SNX13: variants seen among roughly 807,000 people sequenced by gnomAD.
The protein encoded by SNX13 is sorting nexin-13.
Under a neutral mutation model 133.6 loss-of-function variants are expected in SNX13, and 45 were observed. The observed-to-expected ratio is 0.34, with a 90% CI of 0.27 to 0.43. SNX13 has a LOEUF of 0.43. Ranked by LOEUF, SNX13 falls within the 20% of genes least tolerant of loss-of-function variation. SNX13 has a pLI of 1.00. For synonymous variants in SNX13, 414 were observed against 373.9 expected, an observed-to-expected ratio of 1.11 and a Z score of -1.24; for missense variants, 1,032 against 1,145.1, an observed-to-expected ratio of 0.90 and a Z score of 1.43.
At chr7:17,822,625 T>C (rs1391633536) in intron 17 of SNX13, among the ~76,000 whole-genome samples, 1 of 152,210 alleles carries the variant, frequency 6.6e-6, no homozygotes, top group African/African-American at 2.4e-5. Context: ...CTGCTGGTTC[T>C]GTTGGCTTTC....
At chr7:17,939,507 C>G (rs1464985168) in intron 1 of SNX13, among the ~76,000 whole-genome samples, 4 of 152,246 alleles carry the variant, frequency 2.6e-5, no homozygotes, top group Non-Finnish European at 5.9e-5. Flanking sequence ...CTAGTAAAGG[C>G]AAACTCTACT....
At chr7:17,830,754 G>T in intron 15 of SNX13, 1 of 978,450 alleles carries the variant, frequency 1.0e-6, no homozygotes, top group African/African-American at 1.8e-5. Flanking sequence ...ACCAATTAAG[G>T]TGTTCCTTTA....
chr7:17,879,751 G>A (rs1349906753), intron 5 of SNX13: 1 of 152,140 alleles, frequency 6.6e-6, no homozygotes, highest in Non-Finnish European at 1.5e-5. Context: ...AGTATTTCTG[G>A]AAAACGCACT....
chr7:17,893,716 T>C (rs538385353), intron 2 of SNX13, among the ~76,000 whole-genome samples: 1 of 152,314 alleles, frequency 6.6e-6, no homozygotes, highest in South Asian at 2.1e-4. Flanking sequence ...GGCTCATGCC[T>C]GTAATCCCAG....
chr7:17,798,553 AG>A, intron 24 of SNX13, 136 bp downstream of exon 24: 1 of 614,166 alleles, frequency 1.6e-6, no homozygotes, highest in Non-Finnish European at 2.8e-6. Context: ...TATAATTCTT[AG>A]AAGTCTTTTT....
In SNX13 at chr7:17,794,216, G is replaced by T; in HGVS notation, c.2703C>A (p.Asn901Lys). Residue 901 changes from asparagine to lysine, a missense_variant, in exon 26 of 26, where the codon AAC becomes AAA. Asn to Lys is a moderately conservative substitution (Grantham distance 94, BLOSUM62 0). Transcript: ENST00000428135. ...ILRVFEMFQH[N>K]QLNRRMVYVF... is the part of the protein sequence containing the mutation. ...CATAAACCATTCTCCTATTTAATTGGTTGTGCTGAAACATTTCAAAAACAC... is the reference window on the plus strand; with the variant it reads ...CATAAACCATTCTCCTATTTAATTGTTTGTGCTGAAACATTTCAAAAACAC... The T allele has an allele frequency of 6.2e-7, 1 of 1,611,658 alleles. No individual in the cohort carries two copies. The highest frequency in any genetic ancestry group is 8.5e-7 in the Non-Finnish European group (1 of 1,178,500).
In SNX13 at chr7:17,842,879, T is replaced by C. The variant is rs191338483; in HGVS notation, c.1165+2716A>G. 2.0e-3 allele frequency among the ~76,000 whole-genome samples: 311 copies of C among 152,166 alleles called. 2 individuals carry two copies. The highest frequency in any genetic ancestry group is 3.0e-3 in the Non-Finnish European group (203 of 67,934). On this transcript the variant is annotated intron_variant, in intron 12 of 25. Transcript: ENST00000428135. ...GGCATAATTTCAAATTACAGTGTTATAAATTTAGGATGTTACATGTAATCC... is the reference window on the plus strand; with the variant it reads ...GGCATAATTTCAAATTACAGTGTTACAAATTTAGGATGTTACATGTAATCC...
intron 25 of SNX13, chr7:17,794,587 T>G: frequency 4.0e-6 from 1 of 252,250 alleles, no homozygotes; most frequent in Non-Finnish European, 7.6e-6. Context: ...TGTCCCTTAA[T>G]ACCCATGTGA....
intron 9 of SNX13, among the ~76,000 whole-genome samples, chr7:17,860,223 T>C (rs1180238131): frequency 2.6e-5 from 4 of 152,236 alleles, no homozygotes; most frequent in Non-Finnish European, 4.4e-5. Flanking sequence ...ATGGTTGTGA[T>C]TTGCATTTCC....
At chr7:17,924,510 C>T (rs1360146246) in intron 1 of SNX13, among the ~76,000 whole-genome samples, 1 of 152,194 alleles carries the variant, frequency 6.6e-6, no homozygotes, top group African/African-American at 2.4e-5. Context: ...TCCTACACTC[C>T]TGGTAGAAAT....
chr7:17,896,263 C>T (rs1222030683), intron 2 of SNX13, among the ~76,000 whole-genome samples: 1 of 152,092 alleles, frequency 6.6e-6, no homozygotes, highest in East Asian at 1.9e-4. Context: ...TACACAGTAT[C>T]GTATCTAGGC....
At chr7:17,821,712 GA>G in intron 17 of SNX13, 64 bp from the exon 18 acceptor site, 1 of 1,490,024 alleles carries the variant, frequency 6.7e-7, no homozygotes, top group Non-Finnish European at 9.0e-7. Context: ...GAAGAGGAAC[GA>G]AAGACACAAA....
intron 24 of SNX13, among the ~76,000 whole-genome samples, chr7:17,797,187 A>T (rs1192734162): frequency 6.6e-6 from 1 of 151,924 alleles, no homozygotes; most frequent in East Asian, 1.9e-4. Context: ...GTTCATAAAC[A>T]CTAATGAAGA....
chr7:17,817,437 C>T (rs2128299538), intron 18 of SNX13, among the ~76,000 whole-genome samples: 1 of 152,258 alleles, frequency 6.6e-6, no homozygotes, highest in South Asian at 2.1e-4. Context: ...GTAAAGAAAA[C>T]TAATTCTTGG....
intron 20 of SNX13, among the ~76,000 whole-genome samples, chr7:17,807,825 G>C (rs920615830): frequency 4.3e-4 from 51 of 117,468 alleles, no homozygotes; most frequent in Non-Finnish European, 5.8e-4. Flanking sequence ...CGGGCAAACA[G>C]GGTCTGGAGT....
intron 1 of SNX13, among the ~76,000 whole-genome samples, chr7:17,923,524 T>C (rs1019921452): frequency 1.3e-5 from 2 of 152,130 alleles, no homozygotes; most frequent in Admixed American, 6.6e-5. Flanking sequence ...CTATAATTCT[T>C]AGACCTGGAG....
chr7:17,935,817 T>C (rs1370517348), intron 1 of SNX13, among the ~76,000 whole-genome samples: 1 of 152,204 alleles, frequency 6.6e-6, no homozygotes, highest in Non-Finnish European at 1.5e-5. Context: ...GTCTTCTTGC[T>C]TTGGTTAGTA....
chr7:17,833,292 G>C lies in SNX13; in HGVS notation c.1597+760C>G, dbSNP rs537029358. ...AACTCACTATTTACTAATAAAAATT[G>C]ATACTTGTGTTTTACTTTATAAATC... On this transcript the variant is annotated intron_variant, in intron 15 of 25. Coordinates refer to ENST00000428135, the MANE Select transcript of SNX13 (RefSeq NM_015132.5). Among the ~76,000 whole-genome samples, 73 of 151,622 alleles carry C rather than the reference G, an allele frequency of 4.8e-4. 1 individual carries two copies. In the South Asian group the frequency reaches 0.014, roughly 29 times the overall value.
chr7:17,917,925 C>G lies in SNX13; in HGVS notation c.13-20479G>C, dbSNP rs150433616. On this transcript the variant is annotated intron_variant, in intron 1 of 25. Coordinates refer to ENST00000428135, the MANE Select transcript of SNX13 (RefSeq NM_015132.5). ...CCTGACTTAAAACTATACAAGGCTA[C>G]AACAATCAAAACACCATGGTACTGG... Among the ~76,000 whole-genome samples the G allele has an allele frequency of 5.6e-3, 848 of 152,216 alleles. 4 individuals carry two copies. Among genetic ancestry groups the G allele is most frequent in the South Asian group, 0.017 (80 of 4,820 alleles).
Sources: gnomAD v4.1 joint callset for allele counts (sites outside exome capture counted in the v4.1 genomes callset) on GRCh38, gnomAD v4.1.1 for gene constraint, MANE v1.5 for transcripts, NCBI Gene and HGNC (gene_info 2026-07-23, HGNC 2026-07-21) for gene names.